Variants in CDS2 observed in about 807,000 individuals in gnomAD.
The protein encoded by CDS2 is phosphatidate cytidylyltransferase 2.
In CDS2, 47 loss-of-function variants were observed where a neutral mutation model predicts 59.0. That is an observed-to-expected ratio of 0.80 (90% CI 0.63 to 1.02). CDS2 has a LOEUF of 1.02. Ranked by LOEUF, CDS2 falls within the 50% of genes least tolerant of loss-of-function variation. CDS2 has a pLI of 0.00. For synonymous variants in CDS2, 207 were observed against 206.4 expected (o/e 1.00, Z -0.02); for missense variants, 356 against 558.9 (o/e 0.64, Z 3.66).
At chr20:5,186,629 T>C (rs2091069874) in intron 9 of CDS2, 58 bp from the exon 10 acceptor site, 27 of 1,592,800 alleles carry the variant, frequency 1.7e-5, no homozygotes, top group Non-Finnish European at 2.2e-5. Context: ...GGTGCCTGTG[T>C]CTGGGCTGGA....
chr20:5,177,449 G>A (rs561038139), intron 4 of CDS2, among the ~76,000 whole-genome samples: 9 of 152,172 alleles, frequency 5.9e-5, no homozygotes, highest in Non-Finnish European at 1.2e-4. Context: ...GGCTTTCTCC[G>A]TTTCCTGGGA....
Position 5,186,679 on chromosome 20 carries a change from C to G in CDS2, c.829-8C>G. ...TTCCTTGCCGGTCTCTCTGTTATTC[C>G]TCCTCAGCTGTCCTATGTGATGTCC... is the stretch of plus-strand genomic sequence containing the variant. On this transcript the variant is annotated splice_polypyrimidine_tract_variant and splice_region_variant and intron_variant, in intron 9 of 12. Coordinates refer to ENST00000460006, the MANE Select transcript of CDS2 (RefSeq NM_003818.4). The G allele has an allele frequency of 6.2e-7, 1 of 1,613,872 alleles. No individual in the cohort carries two copies.
chr20:5,151,671 C>G (rs547562729), intron 1 of CDS2, among the ~76,000 whole-genome samples: 1 of 150,018 alleles, frequency 6.7e-6, no homozygotes, highest in South Asian at 2.1e-4. Context: ...ACTCCTGCCT[C>G]AAGCAGTCCT....
chr20:5,175,333 C>T (rs944550257), intron 3 of CDS2, 54 bp downstream of exon 3: 59 of 1,416,876 alleles, frequency 4.2e-5, no homozygotes, highest in South Asian at 1.6e-4. Flanking sequence ...GCTGCAGGCC[C>T]GGTTGTCTTA....
At chr20:5,151,732 C>G (rs112166057) in intron 1 of CDS2, among the ~76,000 whole-genome samples, 85 of 145,504 alleles carry the variant, frequency 5.8e-4, no homozygotes, top group African/African-American at 2.0e-3. Flanking sequence ...GCCACCATGC[C>G]TGGCCTAGAC....
chr20:5,183,959 C>T (rs975370948), intron 7 of CDS2, among the ~76,000 whole-genome samples: 15 of 152,112 alleles, frequency 9.9e-5, no homozygotes, highest in Non-Finnish European at 1.8e-4. Context: ...AGTTGAAGAC[C>T]GGCCTGGGCA....
At chr20:5,144,408 C>T (rs958771900) in intron 1 of CDS2, among the ~76,000 whole-genome samples, 1 of 152,122 alleles carries the variant, frequency 6.6e-6, no homozygotes, top group Non-Finnish European at 1.5e-5. Flanking sequence ...TAATGGAGTT[C>T]ATATTAGGCA....
At chr20:5,151,255 A>G (rs891223288) in intron 1 of CDS2, among the ~76,000 whole-genome samples, 1 of 152,250 alleles carries the variant, frequency 6.6e-6, no homozygotes, top group African/African-American at 2.4e-5. Flanking sequence ...CTTAGAATTT[A>G]TAAAACTGAA....
At chr20:5,135,221 C>T (rs2090639498) in intron 1 of CDS2, among the ~76,000 whole-genome samples, 1 of 152,194 alleles carries the variant, frequency 6.6e-6, no homozygotes, top group Non-Finnish European at 1.5e-5. Flanking sequence ...AGCCACCGTG[C>T]CCGGCCATTG....
intron 1 of CDS2, among the ~76,000 whole-genome samples, chr20:5,168,130 TG>T (rs1011810726): frequency 6.6e-6 from 1 of 152,096 alleles, no homozygotes; most frequent in African/African-American, 2.4e-5. Flanking sequence ...AAATAGAGTA[TG>T]GAGCTGGGTA....
rs2091134076 is a variant in CDS2, at chr20:5,193,492, G to A, written c.*3258G>A. The A allele has an allele frequency of 6.6e-6, 1 of 152,138 alleles. No homozygotes were observed. The highest frequency in any genetic ancestry group is 6.5e-5 in the Admixed American group (1 of 15,280). 9.4% of individuals were successfully genotyped at this position (152,138 alleles called of 1,614,324 possible). On this transcript the variant is annotated 3_prime_UTR_variant, in exon 13 of 13. Transcript: ENST00000460006. ...TTATGCAAGAAAATCCCAAAAATAT[G>A]TTTTAAGGGAGACTACACAGACCTT...
intron 10 of CDS2, 104 bp from the exon 11 acceptor site, chr20:5,188,963 C>A: frequency 1.4e-6 from 2 of 1,424,938 alleles, no homozygotes; most frequent in Non-Finnish European, 2.0e-6. Flanking sequence ...CATCACCTCC[C>A]AGTGAGGCCA....
At chr20:5,131,060 G>T (rs6053130) in intron 1 of CDS2, among the ~76,000 whole-genome samples, 32,587 of 147,014 alleles carry the variant, frequency 0.22, 6,271 homozygotes, top group African/African-American at 0.53. Context: ...GCCACTGCAC[G>T]CCAGCCTGGG....
At chr20:5,176,501 G>GA (rs1207140555) in intron 3 of CDS2, 147 bp from the exon 4 acceptor site, 1 of 661,688 alleles carries the variant, frequency 1.5e-6, no homozygotes, top group African/African-American at 1.8e-5. Context: ...GATGGTATGA[G>GA]AGAGGAAGAA....
chr20:5,139,929 A>G (rs1471830094), intron 1 of CDS2, among the ~76,000 whole-genome samples: 1 of 151,726 alleles, frequency 6.6e-6, no homozygotes, highest in African/African-American at 2.4e-5. Flanking sequence ...CCTCACGAGT[A>G]GCTGGGATTA....
rs1013950617 is a variant in CDS2, at chr20:5,184,056, G to A, written c.672-802G>A. On this transcript the variant is annotated intron_variant, in intron 7 of 12. Coordinates refer to ENST00000460006, the MANE Select transcript of CDS2 (RefSeq NM_003818.4). The surrounding 1 kb of genome is among the most constrained non-coding windows in gnomAD (Gnocchi z 4.3). Reference sequence around the variant, plus strand: ...AGGTGCCTGTAATCCTAGCTATTCCGGAGGCTGAGGCAGGAGAATCACTTA... The same window carrying A: ...AGGTGCCTGTAATCCTAGCTATTCCAGAGGCTGAGGCAGGAGAATCACTTA... 2.0e-5 allele frequency among the ~76,000 whole-genome samples: 3 copies of A among 152,230 alleles called. No homozygotes were observed. Among genetic ancestry groups the A allele is most frequent in the East Asian group, 1.9e-4 (1 of 5,182 alleles).
intron 5 of CDS2, among the ~76,000 whole-genome samples, chr20:5,181,635 A>G (rs778224548): frequency 6.6e-5 from 10 of 152,166 alleles, no homozygotes; most frequent in Non-Finnish European, 1.5e-4. Flanking sequence ...ACCATGGGCT[A>G]TGTTCTCGGA....
intron 9 of CDS2, among the ~76,000 whole-genome samples, chr20:5,186,369 C>A (rs572707532): frequency 6.6e-6 from 1 of 152,302 alleles, no homozygotes; most frequent in East Asian, 1.9e-4. Context: ...CTTCAGAGAT[C>A]TTGAGGAAAG....
In CDS2 at chr20:5,194,256, C is replaced by T. The variant is rs538980422; in HGVS notation, c.*4022C>T. The stretch of plus-strand genomic sequence containing the variant: ...TTAAAGAGATGAACAGCTCTCACTT[C>T]CTGACTCAGTTTCTCTTGTTGGGTG... On this transcript the variant is annotated 3_prime_UTR_variant, in exon 13 of 13. Coordinates refer to ENST00000460006, the MANE Select transcript of CDS2 (RefSeq NM_003818.4). 1 of 152,526 alleles carries T rather than the reference C, an allele frequency of 6.6e-6. No homozygotes were observed. Among genetic ancestry groups the T allele is most frequent in the African/African-American group, 2.4e-5 (1 of 41,582 alleles). 9.4% of individuals were successfully genotyped at this position (152,526 alleles called of 1,614,324 possible).
Sources: allele counts gnomAD v4.1 joint callset (sites outside exome capture counted in the v4.1 genomes callset), GRCh38; gene constraint gnomAD v4.1.1; non-coding constraint Gnocchi (gnomAD v3.1); transcripts MANE v1.5; gene names NCBI Gene and HGNC (gene_info 2026-07-23, HGNC 2026-07-21).